TSHZ2: variants seen among roughly 807,000 people sequenced by gnomAD.
The protein encoded by TSHZ2 is teashirt zinc finger homeobox 2.
Under a neutral mutation model 74.4 loss-of-function variants are expected in TSHZ2, and 21 were observed. The observed-to-expected ratio is 0.28, with a 90% CI of 0.20 to 0.41. The LOEUF is 0.41. Ranked by LOEUF, TSHZ2 falls within the 10% of genes least tolerant of loss-of-function variation. The probability of loss-of-function intolerance (pLI) is 1.00; values close to 1 mark genes in which losing one functional copy is unlikely to be tolerated. For synonymous variants in TSHZ2, 540 were observed against 515.3 expected, an observed-to-expected ratio of 1.05 and a Z score of -0.65; for missense variants, 1,244 against 1,293.5, an observed-to-expected ratio of 0.96 and a Z score of 0.59.
At chr20:53,391,479 GTT>G (rs764256107) in intron 2 of TSHZ2, among the ~76,000 whole-genome samples, 3 of 141,180 alleles carry the variant, frequency 2.1e-5, no homozygotes, top group Non-Finnish European at 1.6e-5. Context: ...TTTTGTTTTT[GTT>G]TTTTTTTTTT....
intron 2 of TSHZ2, among the ~76,000 whole-genome samples, chr20:53,297,957 C>T (rs1258442355): frequency 2.0e-5 from 3 of 152,154 alleles, no homozygotes; most frequent in African/African-American, 7.2e-5. Context: ...TACAAAATGT[C>T]GAAACTTATT....
At chr20:53,309,082 C>T (rs771951558) in intron 2 of TSHZ2, among the ~76,000 whole-genome samples, 1 of 152,212 alleles carries the variant, frequency 6.6e-6, no homozygotes, top group Non-Finnish European at 1.5e-5. Context: ...GCTCACATCA[C>T]ACCACCCCCG....
At chr20:53,274,346 G>A (rs188290435) in intron 2 of TSHZ2, among the ~76,000 whole-genome samples, 9 of 152,248 alleles carry the variant, frequency 5.9e-5, no homozygotes, top group East Asian at 1.9e-4. Flanking sequence ...AAAAGGTCCC[G>A]CTGTGCTCGC....
intron 1 of TSHZ2, among the ~76,000 whole-genome samples, chr20:53,251,294 G>C (rs1032230138): frequency 1.3e-5 from 2 of 152,238 alleles, no homozygotes; most frequent in Middle Eastern, 3.4e-3. Flanking sequence ...GATGAAATTT[G>C]TCTGATTCTC....
At chr20:53,079,825 T>G (rs1600679927) in intron 1 of TSHZ2, among the ~76,000 whole-genome samples, 1 of 4,692 alleles carries the variant, frequency 2.1e-4, no homozygotes, top group African/African-American at 3.1e-4. Context: ...CTTTTTCTGT[T>G]TTTTTTTTCT....
At chr20:53,380,056 C>T (rs553779427) in intron 2 of TSHZ2, among the ~76,000 whole-genome samples, 1 of 152,036 alleles carries the variant, frequency 6.6e-6, no homozygotes, top group Admixed American at 6.6e-5. Context: ...GTTTACCCAG[C>T]GAAAGTAATT....
rs180886084 is a variant in TSHZ2 at position 53,010,362 on chromosome 20, T to A, written c.40+37029T>A. Among the ~76,000 whole-genome samples the A allele has an allele frequency of 2.6e-5, 4 of 152,240 alleles. No homozygotes were observed. The East Asian group carries it at 7.7e-4, about 29-fold the overall frequency. ...AAAATCCTATCTGCACAATCCTCCA[T>A]GTCTAAACACACACTCCTAAAGGAA... On this transcript the variant is annotated intron_variant, in intron 1 of 2. Coordinates refer to ENST00000371497, the MANE Select transcript of TSHZ2 (RefSeq NM_173485.6).
intron 1 of TSHZ2, among the ~76,000 whole-genome samples, chr20:53,169,841 T>C (rs1248703277): frequency 6.6e-6 from 1 of 152,232 alleles, no homozygotes; most frequent in Non-Finnish European, 1.5e-5. Flanking sequence ...ATACATTGTA[T>C]ATTATACTTA....
At chr20:53,047,213 C>T (rs6022253) in intron 1 of TSHZ2, among the ~76,000 whole-genome samples, 61,156 of 152,050 alleles carry the variant, frequency 0.4, 14,142 homozygotes, top group East Asian at 0.65. Context: ...CTCTTCATAT[C>T]CTGAAAGATA....
At chr20:53,283,442 G>A (rs547492574) in intron 2 of TSHZ2, among the ~76,000 whole-genome samples, 21 of 152,228 alleles carry the variant, frequency 1.4e-4, no homozygotes, top group African/African-American at 4.8e-4. Flanking sequence ...TACAGATGAA[G>A]TACCTAAAGT....
chr20:53,316,423 A>AGGAAT (rs376574760), intron 2 of TSHZ2, among the ~76,000 whole-genome samples: 83 of 152,238 alleles, frequency 5.5e-4, no homozygotes, highest in African/African-American at 1.9e-3. Flanking sequence ...TGGAGGGTGG[A>AGGAAT]GGAATGGAAA....
intron 1 of TSHZ2, among the ~76,000 whole-genome samples, chr20:53,010,093 G>A (rs892539161): frequency 2.0e-5 from 3 of 151,942 alleles, no homozygotes; most frequent in Non-Finnish European, 2.9e-5. Context: ...CCTCATCCTC[G>A]TATGTAAATA....
At chr20:53,023,791 T>C (rs550928861) in intron 1 of TSHZ2, among the ~76,000 whole-genome samples, 8 of 152,304 alleles carry the variant, frequency 5.3e-5, no homozygotes, top group African/African-American at 1.9e-4. Flanking sequence ...TTTCCTGGAT[T>C]TTCTAGTATT....
intron 1 of TSHZ2, among the ~76,000 whole-genome samples, chr20:53,213,546 C>T (rs893479642): frequency 3.1e-4 from 47 of 151,570 alleles, no homozygotes; most frequent in Admixed American, 2.6e-4. Context: ...ATGGGTAAAG[C>T]GAGGCTGCAC....
At chr20:53,107,069 A>T (rs1215412617) in intron 1 of TSHZ2, among the ~76,000 whole-genome samples, 2 of 152,080 alleles carry the variant, frequency 1.3e-5, no homozygotes, top group Non-Finnish European at 2.9e-5. Context: ...GTTTCCTTTT[A>T]GGCCCAGTTC....
chr20:53,253,801 C>T lies in TSHZ2; in HGVS notation c.343C>T (p.Pro115Ser). The T allele has an allele frequency of 6.2e-7, 1 of 1,614,176 alleles. No homozygotes were observed. The highest frequency in any genetic ancestry group is 8.5e-7 in the Non-Finnish European group (1 of 1,180,018). The change falls in exon 2 of 3, where the codon CCA (proline) becomes TCA (serine). Residue 115 changes from proline to serine, a missense_variant. By Grantham distance (74) the Pro-to-Ser change is moderately conservative. Coordinates refer to ENST00000371497, the MANE Select transcript of TSHZ2 (RefSeq NM_173485.6). The stretch of plus-strand genomic sequence containing the variant: ...GAAAGCACACACTCACGTCAGGCTT[C>T]CAAACGAAGCACACAATTGCATGGA... ...DKKAHTHVRL[P>S]NEAHNCMDKM... is the part of the protein sequence containing the mutation.
At chr20:52,997,214 C>T (rs1457560285) in intron 1 of TSHZ2, among the ~76,000 whole-genome samples, 2 of 151,920 alleles carry the variant, frequency 1.3e-5, no homozygotes, top group Admixed American at 6.6e-5. Context: ...AAGGAGAACT[C>T]GCCTCCCAGC....
At chr20:53,082,381 G>T (rs1985564687) in intron 1 of TSHZ2, among the ~76,000 whole-genome samples, 1 of 152,218 alleles carries the variant, frequency 6.6e-6, no homozygotes, top group African/African-American at 2.4e-5. Flanking sequence ...ATTAAGTAGA[G>T]TTGGAGCCTC....
chr20:52,993,167 A>G (rs116519442), intron 1 of TSHZ2, among the ~76,000 whole-genome samples: 2 of 152,220 alleles, frequency 1.3e-5, no homozygotes, highest in Admixed American at 1.3e-4. Flanking sequence ...AACATTTCCA[A>G]TATATAACAT....
Sources: allele counts gnomAD v4.1 joint callset (sites outside exome capture counted in the v4.1 genomes callset), GRCh38; gene constraint gnomAD v4.1.1; transcripts MANE v1.5; gene names NCBI Gene and HGNC (gene_info 2026-07-23, HGNC 2026-07-21).